Variants in PPIP5K2 observed in about 807,000 individuals in gnomAD.
PPIP5K2 encodes diphosphoinositol pentakisphosphate kinase 2.
PPIP5K2 carries 105 observed loss-of-function variants against 154.6 expected under a neutral mutation model. The ratio of observed to expected loss-of-function variants is 0.68; its 90% confidence interval spans 0.58 to 0.80. The LOEUF (loss-of-function observed/expected upper bound fraction) is 0.80, where lower values mean the gene tolerates loss of function less well. Among genes scored for constraint, PPIP5K2 ranks in the 30% least tolerant of loss-of-function variants. PPIP5K2 has a pLI of 0.00. For synonymous variants in PPIP5K2, 480 were observed against 490.3 expected (o/e 0.98, Z 0.28); for missense variants, 992 against 1,504.6 (o/e 0.66, Z 5.64).
At chr5:103,146,044 A>G (rs1192654012) in intron 5 of PPIP5K2, among the ~76,000 whole-genome samples, 1 of 152,104 alleles carries the variant, frequency 6.6e-6, no homozygotes, top group Admixed American at 6.5e-5. Flanking sequence ...AACATTTAAA[A>G]AAGATATAAA....
chr5:103,156,767 G>C (rs972295972), intron 14 of PPIP5K2, among the ~76,000 whole-genome samples: 1 of 152,104 alleles, frequency 6.6e-6, no homozygotes, highest in Non-Finnish European at 1.5e-5. Context: ...CTTATGCTTT[G>C]ACCTGAATTC....
chr5:103,148,356 G>T (rs1794074978), intron 7 of PPIP5K2: 1 of 277,822 alleles, frequency 3.6e-6, no homozygotes, highest in East Asian at 9.5e-5. Context: ...AGATACCAGG[G>T]ATAAAGGTCT....
rs782107268 is a variant in PPIP5K2, at chr5:103,158,198, A to G, written c.1500A>G (p.Arg500=). 6.2e-6 allele frequency: 10 copies of G among 1,613,222 alleles called. No homozygotes were observed. The South Asian group carries it at 9.9e-5, about 16-fold the overall frequency. Residue 500 remains arginine, a synonymous_variant, in exon 15 of 31, where the codon AGA becomes AGG. Coordinates refer to ENST00000358359, the MANE Select transcript of PPIP5K2 (RefSeq NM_001276277.3). ...TCATATGTGTCATAGACAGCCGAAG[A>G]GAAGAACCATCTTTACTTTTGGTTC... ...KTSSEEEDSR[R]EEPSLLLVLK...
At chr5:103,151,480 G>C in intron 9 of PPIP5K2, 106 bp downstream of exon 9, 1 of 928,190 alleles carries the variant, frequency 1.1e-6, no homozygotes, top group East Asian at 2.5e-5. Flanking sequence ...CTAGAGTAAA[G>C]ATCAGTGTTC....
Position 103,209,931 on chromosome 5 carries a change from T to A in PPIP5K2, c.*8297T>A, listed in dbSNP as rs17155154. ...TTTTCATGCCACATAGATATGCTGA[T>A]TTGTCCAACAATGCCTGTACTCAAA... On this transcript the variant is annotated 3_prime_UTR_variant, in exon 31 of 31. Transcript: ENST00000358359. 6.6e-6 allele frequency: 1 copy of A among 152,074 alleles called. No homozygotes were observed. The highest frequency in any genetic ancestry group is 2.4e-5 in the African/African-American group (1 of 41,412). The allele number at this position is 152,074 out of a possible 1,614,324, so 9.4% of individuals were successfully genotyped here.
chr5:103,156,360 G>T (rs1468778978), intron 14 of PPIP5K2, among the ~76,000 whole-genome samples: 3 of 152,020 alleles, frequency 2.0e-5, no homozygotes, highest in Non-Finnish European at 4.4e-5. Flanking sequence ...AGTACAAAAA[G>T]ACTTTGAAAA....
chr5:103,135,424 T>G (rs1306672686), intron 3 of PPIP5K2, among the ~76,000 whole-genome samples: 1 of 152,172 alleles, frequency 6.6e-6, no homozygotes, highest in African/African-American at 2.4e-5. Flanking sequence ...TTGGAGACTT[T>G]GTGTCAATTT....
chr5:103,184,924 A>G (rs2064703974), intron 26 of PPIP5K2, among the ~76,000 whole-genome samples, 180 bp downstream of exon 26: 1 of 152,166 alleles, frequency 6.6e-6, no homozygotes, highest in African/African-American at 2.4e-5. Context: ...AATGAAGAAG[A>G]GATAGCATTT....
At position 103,131,028 on chromosome 5, in the gene PPIP5K2, A is replaced by G. The variant is rs555429878; in HGVS notation, c.114+1325A>G. On this transcript the variant is annotated intron_variant, in intron 2 of 30. Coordinates refer to ENST00000358359, the MANE Select transcript of PPIP5K2 (RefSeq NM_001276277.3). The stretch of plus-strand genomic sequence containing the variant: ...TGTACTCTTTTACCTCTCTGAAATG[A>G]CCTTATTTTGGGATACCTTGTGAAT... 9.2e-5 allele frequency among the ~76,000 whole-genome samples: 14 copies of G among 152,170 alleles called. No individual in the cohort carries two copies. In the East Asian group the frequency reaches 2.1e-3, roughly 23 times the overall value.
At chr5:103,124,985 T>G (rs1284547550) in intron 1 of PPIP5K2, among the ~76,000 whole-genome samples, 1 of 152,222 alleles carries the variant, frequency 6.6e-6, no homozygotes, top group African/African-American at 2.4e-5. Context: ...TCAAAACGAA[T>G]GATTCGGAGA....
chr5:103,142,885 A>G (rs1241705646), intron 5 of PPIP5K2, among the ~76,000 whole-genome samples: 5 of 152,214 alleles, frequency 3.3e-5, no homozygotes, highest in African/African-American at 1.2e-4. Context: ...TGGTGTACAA[A>G]CCTCTTATAT....
chr5:103,149,170 G>GATT lies in PPIP5K2; in HGVS notation c.766_768dup (p.Tyr256dup). 6.2e-7 allele frequency: 1 copy of GATT among 1,613,530 alleles called. No homozygotes were observed. The highest frequency in any genetic ancestry group is 8.5e-7 in the Non-Finnish European group (1 of 1,179,662). ...GTGAAAGGTTTATACAGTGGGTCCA[G>GATT]ATTATGCCCATGCTGAAGCTCGAAA... On this transcript the variant is annotated inframe_insertion, in exon 8 of 31. Coordinates refer to ENST00000358359, the MANE Select transcript of PPIP5K2 (RefSeq NM_001276277.3).
chr5:103,132,121 A>G (rs537690290), intron 2 of PPIP5K2, among the ~76,000 whole-genome samples: 3 of 152,316 alleles, frequency 2.0e-5, no homozygotes, highest in Non-Finnish European at 4.4e-5. Context: ...AGGGATAAAT[A>G]CAGAAGATTC....
At chr5:103,185,044 C>A (rs973000684) in intron 26 of PPIP5K2, among the ~76,000 whole-genome samples, 12 of 152,138 alleles carry the variant, frequency 7.9e-5, no homozygotes, top group Non-Finnish European at 1.8e-4. Flanking sequence ...AAGGAAACTT[C>A]ATTTTCCCAG....
In PPIP5K2 at chr5:103,205,469, A is replaced by T. The variant is rs1020764445; in HGVS notation, c.*3835A>T. Reference sequence around the variant, plus strand: ...ATTTACACTCCCACCAAGTGTTCCTATTTCTCCACATCCTCTCCAGCATCT... The same window carrying T: ...ATTTACACTCCCACCAAGTGTTCCTTTTTCTCCACATCCTCTCCAGCATCT... On this transcript the variant is annotated 3_prime_UTR_variant, in exon 31 of 31. Transcript: ENST00000358359. 6.6e-6 allele frequency: 1 copy of T among 152,072 alleles called. No homozygotes were observed. Among genetic ancestry groups the T allele is most frequent in the Admixed American group, 6.6e-5 (1 of 15,254 alleles). 9.4% of individuals were successfully genotyped at this position (152,072 alleles called of 1,614,324 possible). A position where few individuals can be genotyped will look rare whatever the true frequency, so the allele number is the denominator to read the frequency against.
At chr5:103,145,767 G>A (rs1244814776) in intron 5 of PPIP5K2, among the ~76,000 whole-genome samples, 1 of 143,412 alleles carries the variant, frequency 7.0e-6, no homozygotes, top group Non-Finnish European at 1.5e-5. Flanking sequence ...AGGATAGTTA[G>A]TGAGTATAGC....
intron 24 of PPIP5K2, among the ~76,000 whole-genome samples, chr5:103,181,460 T>C (rs1441181137): frequency 6.6e-6 from 1 of 151,804 alleles, no homozygotes; most frequent in African/African-American, 2.4e-5. Context: ...CCCAGCTACT[T>C]GGGAGGCTGA....
At chr5:103,144,150 AG>A (rs1412910701) in intron 5 of PPIP5K2, among the ~76,000 whole-genome samples, 2 of 150,936 alleles carry the variant, frequency 1.3e-5, no homozygotes, top group East Asian at 3.9e-4. Context: ...AATCTGAAAA[AG>A]AAACTAAAAA....
At chr5:103,189,007 TG>T (rs1469735947) in intron 28 of PPIP5K2, 1 of 528,676 alleles carries the variant, frequency 1.9e-6, no homozygotes, top group Non-Finnish European at 3.3e-6. Flanking sequence ...AATTGTCATT[TG>T]ACTCTTCCTT....
Sources: gnomAD v4.1 joint callset for allele counts (sites outside exome capture counted in the v4.1 genomes callset) on GRCh38, gnomAD v4.1.1 for gene constraint, MANE v1.5 for transcripts, NCBI Gene and HGNC (gene_info 2026-07-23, HGNC 2026-07-21) for gene names.